LOC112694756: variants seen among roughly 807,000 people sequenced by gnomAD.
the LOC112694756 span, chr16:30,070,298 G>A: frequency 7.3e-7 from 1 of 1,378,800 alleles, no homozygotes; most frequent in African/African-American, 1.4e-5. Flanking sequence ...CGGGGCTCCA[G>A]GCTGGCTTGC....
At chr16:30,069,987 G>GA in the LOC112694756 span, 1 of 1,613,894 alleles carries the variant, frequency 6.2e-7, no homozygotes, top group Non-Finnish European at 8.5e-7. Flanking sequence ...GGAAGAAGGA[G>GA]AACCTGAAGG....
At chr16:30,057,716 G>A in the LOC112694756 span, among the ~76,000 whole-genome samples, 1 of 152,146 alleles carries the variant, frequency 6.6e-6, no homozygotes, top group African/African-American at 2.4e-5. Context: ...AGTCAGCAGA[G>A]GGGTCTCAGG....
chr16:30,067,273 G>A, the LOC112694756 span: 95 of 1,612,328 alleles, frequency 5.9e-5, no homozygotes, highest in Admixed American at 3.7e-4. Context: ...CCAATATCCA[G>A]CACTGACCCC....
At chr16:30,063,443 C>G in the LOC112694756 span, among the ~76,000 whole-genome samples, 2 of 152,114 alleles carry the variant, frequency 1.3e-5, no homozygotes, top group Admixed American at 1.3e-4. Context: ...TAGCACGGGA[C>G]CCAGGGCCAG....
the LOC112694756 span, chr16:30,067,413 G>A: frequency 6.2e-7 from 1 of 1,613,828 alleles, no homozygotes; most frequent in Non-Finnish European, 8.5e-7. Flanking sequence ...GTTGGGAGTG[G>A]CAGGCTGATC....
chr16:30,058,774 G>A, the LOC112694756 span, among the ~76,000 whole-genome samples: 87 of 151,074 alleles, frequency 5.8e-4, 3 homozygotes, highest in East Asian at 0.012. Flanking sequence ...GAGCCACCAC[G>A]CCTGGCCTGC....
chr16:30,070,077 G>T, the LOC112694756 span: 2 of 1,613,514 alleles, frequency 1.2e-6, no homozygotes, highest in South Asian at 2.2e-5. Flanking sequence ...GATGGGACTC[G>T]GAGAAGAGCC....
chr16:30,070,154 G>A, the LOC112694756 span: 1 of 1,614,016 alleles, frequency 6.2e-7, no homozygotes, highest in Non-Finnish European at 8.5e-7. Flanking sequence ...TACACTCCGA[G>A]CGGTCAGGCT....
At chr16:30,065,894 C>G in the LOC112694756 span, 8 of 153,482 alleles carry the variant, frequency 5.2e-5, no homozygotes, top group Non-Finnish European at 7.3e-5. Flanking sequence ...CCTCTGCCGC[C>G]GCACCCTGCA....
At chr16:30,057,151 C>G in the LOC112694756 span, among the ~76,000 whole-genome samples, 1 of 152,074 alleles carries the variant, frequency 6.6e-6, no homozygotes, top group Non-Finnish European at 1.5e-5. Context: ...CTCAGGTTAT[C>G]TGCCTGCCTC....
the LOC112694756 span, among the ~76,000 whole-genome samples, chr16:30,062,624 C>T: frequency 1.3e-5 from 2 of 151,880 alleles, no homozygotes; most frequent in African/African-American, 2.4e-5. Flanking sequence ...GGGCAGATAC[C>T]TGAGGTCAGG....
the LOC112694756 span, chr16:30,069,819 C>G: frequency 1.2e-6 from 2 of 1,614,140 alleles, no homozygotes; most frequent in African/African-American, 1.3e-5. Context: ...CGCCTCACCC[C>G]TGCTCTACAG....
chr16:30,067,981 G>A, the LOC112694756 span: 4 of 412,092 alleles, frequency 9.7e-6, no homozygotes, highest in Non-Finnish European at 1.3e-5. Context: ...CTGTCTCAGA[G>A]GATTGTTACT....
At chr16:30,063,362 G>C in the LOC112694756 span, among the ~76,000 whole-genome samples, 2 of 152,046 alleles carry the variant, frequency 1.3e-5, no homozygotes, top group East Asian at 3.8e-4. Flanking sequence ...TCTGTCTACT[G>C]CCTCAACTGC....
chr16:30,070,224 C>T, the LOC112694756 span: 2 of 1,613,638 alleles, frequency 1.2e-6, no homozygotes, highest in Non-Finnish European at 1.7e-6. Flanking sequence ...CGGAGGTGTT[C>T]CCAGGCTGCC....
At chr16:30,053,577 G>A in the LOC112694756 span, 1 of 152,890 alleles carries the variant, frequency 6.5e-6, no homozygotes, top group South Asian at 2.1e-4. Context: ...CTTCCAGCAC[G>A]GACTGGGGAG....
At chr16:30,054,782 A>T in the LOC112694756 span, 5 of 399,032 alleles carry the variant, frequency 1.3e-5, no homozygotes, top group Admixed American at 8.8e-5. Context: ...GTACTCGTCC[A>T]GGCCTCCTCT....
the LOC112694756 span, chr16:30,063,885 G>A: frequency 2.5e-6 from 1 of 399,066 alleles, no homozygotes; most frequent in Non-Finnish European, 4.4e-6. Context: ...CAGCCCCCAG[G>A]GCCCATGTGC....
At chr16:30,069,814 C>T in the LOC112694756 span, 1 of 1,613,996 alleles carries the variant, frequency 6.2e-7, no homozygotes, top group Non-Finnish European at 8.5e-7. Context: ...CCTCTCGCCT[C>T]ACCCCTGCTC....
Sources: gnomAD v4.1 joint callset for allele counts (sites outside exome capture counted in the v4.1 genomes callset) on GRCh38, gnomAD v4.1.1 for gene constraint, MANE v1.5 for transcripts.